Variants in SIMC1 observed in about 807,000 individuals in gnomAD.
SIMC1 encodes SUMO interacting motifs containing 1.
In SIMC1, 55 loss-of-function variants were observed where a neutral mutation model predicts 82.3. That is an observed-to-expected ratio of 0.67 (90% CI 0.54 to 0.84). The LOEUF is 0.84. Ranked by LOEUF, SIMC1 falls within the 40% of genes least tolerant of loss-of-function variation. SIMC1 has a pLI of 0.00. For synonymous variants in SIMC1, 353 were observed against 426.3 expected (o/e 0.83, Z 2.12); for missense variants, 915 against 1,107.2 (o/e 0.83, Z 2.46).
chr5:176,290,093 A>G lies in SIMC1; in HGVS notation c.569A>G (p.Asn190Ser). 3 of 1,607,292 alleles carry G rather than the reference A, an allele frequency of 1.9e-6. No individual in the cohort carries two copies. The highest frequency in any genetic ancestry group is 2.7e-5 in the African/African-American group (2 of 74,770). Reference sequence around the variant, plus strand: ...GTTAGCTCCCTCTCCCCAACAAGCAATAATAGTAGGAGCAGCAGCAGCAGC... The same window carrying G: ...GTTAGCTCCCTCTCCCCAACAAGCAGTAATAGTAGGAGCAGCAGCAGCAGC... ...SDVSSLSPTS[N>S]NSRSSSSSSN... The change falls in exon 2 of 10, where the codon AAT (asparagine) becomes AGT (serine). Residue 190 changes from asparagine to serine, a missense_variant. Coordinates refer to ENST00000429602, the MANE Select transcript of SIMC1 (RefSeq NM_001308195.2).
At chr5:176,310,865 C>CTAGA (rs1764635003) in intron 4 of SIMC1, among the ~76,000 whole-genome samples, 2 of 151,600 alleles carry the variant, frequency 1.3e-5, no homozygotes, top group Non-Finnish European at 2.9e-5. Flanking sequence ...AGTCTGTAGT[C>CTAGA]TAGATAGCAA....
At chr5:176,264,637 C>T (rs1762130011) in intron 1 of SIMC1, among the ~76,000 whole-genome samples, 1 of 151,582 alleles carries the variant, frequency 6.6e-6, no homozygotes, top group Admixed American at 6.6e-5. Flanking sequence ...GGTTGCTCTT[C>T]AGCCCCTTTA....
At chr5:176,315,347 A>G (rs1256266812) in intron 5 of SIMC1, among the ~76,000 whole-genome samples, 2 of 152,166 alleles carry the variant, frequency 1.3e-5, no homozygotes, top group Non-Finnish European at 2.9e-5. Flanking sequence ...ACTCGTTACC[A>G]TGAGGACAGC....
intron 1 of SIMC1, among the ~76,000 whole-genome samples, chr5:176,280,790 C>G (rs940203076): frequency 6.6e-6 from 1 of 152,282 alleles, no homozygotes; most frequent in Non-Finnish European, 1.5e-5. Context: ...GAGTTTCTCC[C>G]AAGAGATCCG....
chr5:176,251,627 A>G (rs1761657101), intron 1 of SIMC1, among the ~76,000 whole-genome samples: 1 of 148,988 alleles, frequency 6.7e-6, no homozygotes. Flanking sequence ...TGTTTCTCGC[A>G]GAGGGGGATT....
At chr5:176,315,863 C>T (rs1452578595) in intron 5 of SIMC1, among the ~76,000 whole-genome samples, 1 of 152,096 alleles carries the variant, frequency 6.6e-6, no homozygotes, top group East Asian at 1.9e-4. Context: ...GAGCACAAGA[C>T]AGCATAGTTG....
intron 7 of SIMC1, among the ~76,000 whole-genome samples, chr5:176,327,056 T>C (rs1765426018): frequency 6.6e-6 from 1 of 152,228 alleles, no homozygotes; most frequent in Non-Finnish European, 1.5e-5. Flanking sequence ...CCATGCTTGC[T>C]CTAACACTTT....
At position 176,290,233 on chromosome 5, in the gene SIMC1, C is replaced by T. The variant is rs755633360; in HGVS notation, c.709C>T (p.Pro237Ser). Reference protein sequence around the residue: ...PCPPRASPCPPRASSCPPRAL... With the variant: ...PCPPRASPCPSRASSCPPRAL... ...CCCACCGAGAGCCTCACCATGTCCA[C>T]CACGAGCCTCCTCATGCCCACCACG... The change falls in exon 2 of 10, where the codon CCA becomes TCA. Residue 237 changes from proline (P) to serine (S), a missense_variant. Around this residue, in one of 2 missense-constraint regions of SIMC1, gnomAD observed 902 missense variants for 1,040.3 expected, o/e 0.87. Transcript: ENST00000429602. 1.2e-6 allele frequency: 2 copies of T among 1,612,910 alleles called. No individual in the cohort carries two copies. Among genetic ancestry groups the T allele is most frequent in the African/African-American group, 1.3e-5 (1 of 74,834 alleles).
chr5:176,280,553 T>C (rs2113219839), intron 1 of SIMC1, among the ~76,000 whole-genome samples: 1 of 152,360 alleles, frequency 6.6e-6, no homozygotes, highest in Admixed American at 6.5e-5. Context: ...CATTTTGGCA[T>C]GATTTTGGAG....
At chr5:176,304,606 C>G (rs1333852461) in intron 4 of SIMC1, among the ~76,000 whole-genome samples, 1 of 147,772 alleles carries the variant, frequency 6.8e-6, no homozygotes, top group Admixed American at 6.7e-5. Flanking sequence ...GCCCGGCCGC[C>G]ACCCCGTCTG....
intron 5 of SIMC1, among the ~76,000 whole-genome samples, chr5:176,317,695 G>A (rs1053313248): frequency 3.9e-5 from 6 of 152,036 alleles, no homozygotes; most frequent in Admixed American, 6.6e-5. Flanking sequence ...GTACTAAACC[G>A]TGATTGCTTT....
Position 176,289,679 on chromosome 5 carries a change from C to G in SIMC1, c.155C>G (p.Thr52Ser). The change falls in exon 2 of 10, where the codon ACC becomes AGC. Residue 52 changes from threonine (T) to serine (S), a missense_variant. Coordinates refer to ENST00000429602, the MANE Select transcript of SIMC1 (RefSeq NM_001308195.2). ...TVDFIDLTRE[T>S]RPRTKDRSGL... ...GACTTCATTGACTTAACTAGAGAGACCAGACCAAGGACAAAAGATCGCAGT... is the reference window on the plus strand; with the variant it reads ...GACTTCATTGACTTAACTAGAGAGAGCAGACCAAGGACAAAAGATCGCAGT... The G allele has an allele frequency of 6.2e-7, 1 of 1,604,270 alleles. No individual in the cohort carries two copies. Among genetic ancestry groups the G allele is most frequent in the Non-Finnish European group, 8.5e-7 (1 of 1,175,104 alleles).
intron 2 of SIMC1, 199 bp from the exon 3 acceptor site, chr5:176,294,831 G>C (rs549305036): frequency 1.2e-5 from 7 of 592,318 alleles, no homozygotes; most frequent in South Asian, 4.4e-5. Context: ...CGGGCGTGGT[G>C]GTGGGCGCCT....
chr5:176,250,936 A>C (rs1193881380), intron 1 of SIMC1, among the ~76,000 whole-genome samples: 2 of 152,126 alleles, frequency 1.3e-5, no homozygotes, highest in African/African-American at 4.8e-5. Context: ...TGAGTCTTTT[A>C]ATTGGGGCAT....
intron 1 of SIMC1, among the ~76,000 whole-genome samples, chr5:176,284,454 TAAAG>T (rs1763170079): frequency 1.3e-5 from 2 of 152,124 alleles, no homozygotes; most frequent in South Asian, 4.1e-4. Flanking sequence ...AAGGCAGAAA[TAAAG>T]GTGCTCTTTG....
chr5:176,267,537 A>AT (rs1214686130), intron 1 of SIMC1, among the ~76,000 whole-genome samples: 1 of 68,572 alleles, frequency 1.5e-5, no homozygotes, highest in Non-Finnish European at 2.9e-5. Flanking sequence ...AAAAATAATG[A>AT]TTTTTTGTTA....
At chr5:176,280,060 T>C (rs1462533815) in intron 1 of SIMC1, among the ~76,000 whole-genome samples, 4 of 152,270 alleles carry the variant, frequency 2.6e-5, no homozygotes, top group South Asian at 2.1e-4. Context: ...ATCTGTCTAA[T>C]GTTGACAGTG....
chr5:176,279,948 C>G (rs1458437253), intron 1 of SIMC1, among the ~76,000 whole-genome samples: 4 of 152,180 alleles, frequency 2.6e-5, no homozygotes, highest in African/African-American at 9.6e-5. Flanking sequence ...AATGTATATT[C>G]TGTTGATTTG....
intron 1 of SIMC1, among the ~76,000 whole-genome samples, chr5:176,248,157 G>T (rs1380741699): frequency 3.9e-5 from 6 of 152,138 alleles, no homozygotes; most frequent in Admixed American, 6.6e-5. Flanking sequence ...GTCAGTGGCA[G>T]CTTGATGGGG....
Sources: gnomAD v4.1 joint callset for allele counts (sites outside exome capture counted in the v4.1 genomes callset) on GRCh38, gnomAD v4.1.1 for gene constraint, gnomAD v4.1.1 regional missense constraint, MANE v1.5 for transcripts, NCBI Gene and HGNC (gene_info 2026-07-23, HGNC 2026-07-21) for gene names.